Variants in DACH2 observed in about 807,000 individuals in gnomAD.
The protein encoded by DACH2 is dachshund family transcription factor 2.
DACH2 carries 17 observed loss-of-function variants against 35.8 expected under a neutral mutation model. The observed-to-expected ratio is 0.48, with a 90% CI of 0.33 to 0.71. The LOEUF (loss-of-function observed/expected upper bound fraction) is 0.71, where lower values mean the gene tolerates loss of function less well. Among genes scored for constraint, DACH2 ranks in the 30% least tolerant of loss-of-function variants. The pLI, the probability that DACH2 is intolerant of heterozygous loss-of-function variation, is 0.02. For synonymous variants in DACH2, 195 were observed against 177.3 expected (o/e 1.10, Z -0.79); for missense variants, 469 against 472.7 (o/e 0.99, Z 0.07).
intron 1 of DACH2, among the ~76,000 whole-genome samples, chrX:86,217,014 C>T (rs986983166): frequency 1.1e-4 from 12 of 109,465 alleles, no homozygotes; most frequent in African/African-American, 3.3e-4. Flanking sequence ...TCCCTTGAAC[C>T]TGGAAGGCGG....
chrX:86,782,967 G>A (rs1243512151), intron 7 of DACH2, among the ~76,000 whole-genome samples: 5 of 111,523 alleles, frequency 4.5e-5, no homozygotes, highest in African/African-American at 1.3e-4. Context: ...AATCAAAAAA[G>A]TGAAGCGACA....
chrX:86,618,800 G>C (rs1399152305), intron 3 of DACH2, among the ~76,000 whole-genome samples: 1 of 111,432 alleles, frequency 9.0e-6, no homozygotes, highest in East Asian at 2.8e-4. Context: ...CAATTCTACT[G>C]TGGTTACTTA....
chrX:86,795,958 G>C, intron 7 of DACH2, among the ~76,000 whole-genome samples: 1 of 111,106 alleles, frequency 9.0e-6, no homozygotes, highest in African/African-American at 3.3e-5. Flanking sequence ...CGGACCCAAA[G>C]AGTGAGCAGC....
At chrX:86,680,147 T>C (rs1251765763) in intron 4 of DACH2, among the ~76,000 whole-genome samples, 1 of 112,020 alleles carries the variant, frequency 8.9e-6, no homozygotes, top group Non-Finnish European at 1.9e-5. Context: ...AAGATCAATC[T>C]TTCTCCTCTC....
intron 8 of DACH2, 23 bp downstream of exon 8, chrX:86,813,027 A>T: frequency 1.7e-6 from 2 of 1,166,176 alleles, no homozygotes; most frequent in Non-Finnish European, 2.3e-6. Context: ...TCTATAAACA[A>T]AATAAATGTA....
At chrX:86,218,811 A>G (rs1048555607) in intron 1 of DACH2, among the ~76,000 whole-genome samples, 1 of 112,006 alleles carries the variant, frequency 8.9e-6, no homozygotes, top group African/African-American at 3.2e-5. Context: ...AATTTTATTA[A>G]TAATAATCAA....
At chrX:86,268,770 G>A (rs1462479187) in intron 1 of DACH2, among the ~76,000 whole-genome samples, 7 of 110,342 alleles carry the variant, frequency 6.3e-5, no homozygotes, top group African/African-American at 2.3e-4. Context: ...CTGACCTCAA[G>A]CGATCTGCTT....
At chrX:86,688,200 TTTC>T (rs1281056489) in intron 4 of DACH2, among the ~76,000 whole-genome samples, 1 of 112,157 alleles carries the variant, frequency 8.9e-6, no homozygotes, top group Non-Finnish European at 1.9e-5. Flanking sequence ...AAGGTATTCT[TTTC>T]TTTCTTCCTG....
intron 3 of DACH2, among the ~76,000 whole-genome samples, chrX:86,644,809 T>A (rs2040394880): frequency 9.0e-6 from 1 of 110,960 alleles, no homozygotes; most frequent in African/African-American, 3.3e-5. Context: ...AAACAAGCAA[T>A]GGGGAAAAGA....
chrX:86,183,693 A>G (rs1023833639), intron 1 of DACH2, among the ~76,000 whole-genome samples: 4 of 111,854 alleles, frequency 3.6e-5, no homozygotes, highest in African/African-American at 6.5e-5. Context: ...GCCTCATAAA[A>G]TGAATTAGGG....
chrX:86,283,503 A>G (rs2034076537), intron 1 of DACH2, among the ~76,000 whole-genome samples: 1 of 111,585 alleles, frequency 9.0e-6, no homozygotes, highest in Non-Finnish European at 1.9e-5. Flanking sequence ...AATAGAATGG[A>G]TACAGAAAAT....
At chrX:86,334,955 C>T (rs1429556901) in intron 1 of DACH2, among the ~76,000 whole-genome samples, 1 of 111,954 alleles carries the variant, frequency 8.9e-6, no homozygotes, top group East Asian at 2.8e-4. Context: ...AGGAAGGGGT[C>T]CAGTTTCAGT....
At chrX:86,468,630 T>C (rs914481505) in intron 2 of DACH2, among the ~76,000 whole-genome samples, 1 of 111,844 alleles carries the variant, frequency 8.9e-6, no homozygotes, top group East Asian at 2.8e-4. Context: ...TACCATTCTA[T>C]ATGCCGATTC....
At position 86,329,404 on chromosome X, in the gene DACH2, T is replaced by C. The variant is rs114736582; in HGVS notation, c.489-47420T>C. ...TTAACAGCATGTAAACAAAGTGAGA[T>C]GTGAAGTATGCTTCCCTGCTCCCCT... On this transcript the variant is annotated intron_variant, in intron 1 of 11. Coordinates refer to ENST00000373125, the MANE Select transcript of DACH2 (RefSeq NM_053281.3). 7.2e-5 allele frequency among the ~76,000 whole-genome samples: 8 copies of C among 110,942 alleles called. 1 individual carries two copies. The Admixed American group carries it at 7.7e-4, about 11-fold the overall frequency.
intron 1 of DACH2, among the ~76,000 whole-genome samples, chrX:86,279,503 G>A (rs1241132752): frequency 1.8e-5 from 2 of 111,063 alleles, no homozygotes; most frequent in African/African-American, 3.3e-5. Context: ...CGCAAAGGAC[G>A]TCCACACAGA....
At chrX:86,473,579 T>A (rs748258999) in intron 2 of DACH2, among the ~76,000 whole-genome samples, 1 of 110,442 alleles carries the variant, frequency 9.1e-6, no homozygotes, top group African/African-American at 3.3e-5. Context: ...ATGAGTTCAA[T>A]TTTTTTTTAT....
At chrX:86,555,127 C>T (rs1187195164) in intron 3 of DACH2, among the ~76,000 whole-genome samples, 2 of 111,771 alleles carry the variant, frequency 1.8e-5, no homozygotes, top group East Asian at 5.6e-4. Context: ...TAAATCAACA[C>T]ACCTGCAGTG....
intron 3 of DACH2, among the ~76,000 whole-genome samples, chrX:86,591,985 C>A (rs1057134315): frequency 9.0e-6 from 1 of 111,247 alleles, no homozygotes; most frequent in Non-Finnish European, 1.9e-5. Flanking sequence ...CTTGTAATAA[C>A]CTTTTTGGCA....
chrX:86,310,231 G>A (rs1198470380), intron 1 of DACH2, among the ~76,000 whole-genome samples: 4 of 111,955 alleles, frequency 3.6e-5, no homozygotes, highest in Non-Finnish European at 7.5e-5. Context: ...CCATAAAGTG[G>A]GTCATGCACA....
Sources: allele counts gnomAD v4.1 joint callset (sites outside exome capture counted in the v4.1 genomes callset), GRCh38; gene constraint gnomAD v4.1.1; transcripts MANE v1.5; gene names NCBI Gene and HGNC (gene_info 2026-07-23, HGNC 2026-07-21).